The following MAST3 variants were observed in gnomAD, a reference collection of about 807,000 sequenced individuals.
MAST3 encodes microtubule-associated serine/threonine-protein kinase 3.
Under a neutral mutation model 127.0 loss-of-function variants are expected in MAST3, and 43 were observed. The observed-to-expected ratio is 0.34, with a 90% CI of 0.27 to 0.44. MAST3 has a LOEUF of 0.44. MAST3 is among the 20% of genes least tolerant of loss of function. MAST3 has a pLI of 1.00. For missense variants in MAST3, 1,390 were observed against 1,919.1 expected (o/e 0.72, Z 5.15); for synonymous variants, 785 against 809.2 (o/e 0.97, Z 0.51).
At position 18,130,690 on chromosome 19, in the gene MAST3, G is replaced by A; in HGVS notation, c.1420G>A (p.Glu474Lys). ...CCGGCGCCACCTATGTATGGTCATG[G>A]AATACGTGGAAGGTACGCTCACTGG... ...ETRRHLCMVM[E>K]YVEGGDCATL... Residue 474 changes from glutamate (E) to lysine (K), a missense_variant, in exon 14 of 28, where the codon GAA becomes AAA. Transcript: ENST00000687212. The A allele has an allele frequency of 6.2e-7, 1 of 1,613,780 alleles. No homozygotes were observed. The highest frequency in any genetic ancestry group is 8.5e-7 in the Non-Finnish European group (1 of 1,179,834).
intron 14 of MAST3, 71 bp from the exon 15 acceptor site, chr19:18,131,838 G>A (rs1340031210): frequency 2.0e-6 from 3 of 1,500,996 alleles, no homozygotes; most frequent in Non-Finnish European, 1.8e-6. Flanking sequence ...ATAGGCATTG[G>A]GCATAACCTA....
intron 3 of MAST3, among the ~76,000 whole-genome samples, chr19:18,116,913 C>CAA (rs1029551853): frequency 2.6e-5 from 2 of 76,234 alleles, no homozygotes; most frequent in Admixed American, 1.4e-4. Flanking sequence ...AACTCTGTCT[C>CAA]AAAAAAAAAA....
chr19:18,120,628 C>T (rs1471937493), intron 3 of MAST3, among the ~76,000 whole-genome samples: 1 of 152,230 alleles, frequency 6.6e-6, no homozygotes, highest in African/African-American at 2.4e-5. Flanking sequence ...CCTCCGCCTC[C>T]TGGGTTCAAG....
chr19:18,119,250 C>A (rs900296556), intron 3 of MAST3, among the ~76,000 whole-genome samples: 1 of 152,062 alleles, frequency 6.6e-6, no homozygotes, highest in South Asian at 2.1e-4. Context: ...GGGAGGGCAA[C>A]GAAGTGTTTT....
chr19:18,130,867 T>TG (rs1370818101), intron 14 of MAST3, among the ~76,000 whole-genome samples, 165 bp downstream of exon 14: 1 of 151,958 alleles, frequency 6.6e-6, no homozygotes, highest in Non-Finnish European at 1.5e-5. Flanking sequence ...AGCCCAGCCA[T>TG]GGGGGTTTAG....
intron 3 of MAST3, chr19:18,118,308 T>G: frequency 1.1e-6 from 1 of 948,192 alleles, no homozygotes; most frequent in Non-Finnish European, 1.3e-6. Flanking sequence ...AAACAGGAGT[T>G]GCCAGAAGTG....
intron 7 of MAST3, 90 bp downstream of exon 7, chr19:18,123,464 C>A (rs993539807): frequency 2.8e-5 from 42 of 1,488,258 alleles, no homozygotes; most frequent in Non-Finnish European, 3.7e-5. Context: ...CCAGCCCTGA[C>A]CCTGCCTGAG....
rs746427413 is a variant in MAST3 at position 18,128,405 on chromosome 19, G to A, written c.1084G>A (p.Val362Met). Residue 362 changes from valine (V) to methionine (M), a missense_variant, in exon 12 of 28, where the codon GTG becomes ATG. This residue lies in a region of MAST3 where 277 missense variants were observed against 384.8 expected (regional missense o/e 0.72). Transcript: ENST00000687212. ...GLAKDPLEEM[V>M]PLSHLEEEQP... ...CCTCCTCCCTCATCTTGCAGAGATGGTGCCACTGAGTCACCTCGAAGAAGA... is the reference window on the plus strand; with the variant it reads ...CCTCCTCCCTCATCTTGCAGAGATGATGCCACTGAGTCACCTCGAAGAAGA... The A allele has an allele frequency of 2.6e-6, 4 of 1,551,572 alleles. No homozygotes were observed. The highest frequency in any genetic ancestry group is 1.2e-5 in the South Asian group (1 of 84,190).
At chr19:18,100,942 C>T (rs1165102607) in intron 1 of MAST3, among the ~76,000 whole-genome samples, 1 of 152,136 alleles carries the variant, frequency 6.6e-6, no homozygotes, top group Non-Finnish European at 1.5e-5. Flanking sequence ...CAATGTGAGG[C>T]GTGCTGTTGG....
chr19:18,139,866 C>A (rs2042267082), intron 20 of MAST3, among the ~76,000 whole-genome samples: 1 of 143,876 alleles, frequency 7.0e-6, no homozygotes, highest in Admixed American at 7.0e-5. Context: ...TTTGCCCAGG[C>A]TGGAGTGCAG....
chr19:18,137,257 A>C lies in MAST3; in HGVS notation c.1991A>C (p.Lys664Thr), dbSNP rs1223555865. Residue 664 changes from lysine to threonine, a missense_variant, in exon 19 of 28, where the codon AAG becomes ACG. Physicochemically the swap from Lys to Thr is moderately conservative, Grantham distance 78 (BLOSUM62 -1). This residue lies in a region of MAST3 where 191 missense variants were observed against 409.0 expected (regional missense o/e 0.47). Transcript: ENST00000687212. ...RLGTGGTHEV[K>T]QHPFFLALDW... Reference sequence around the variant, plus strand: ...TCTGCAGGTGGCACCCACGAAGTGAAGCAGCACCCCTTTTTCCTGGCCCTG... The same window carrying C: ...TCTGCAGGTGGCACCCACGAAGTGACGCAGCACCCCTTTTTCCTGGCCCTG... 6.2e-7 allele frequency: 1 copy of C among 1,613,732 alleles called. No individual in the cohort carries two copies. The highest frequency in any genetic ancestry group is 1.7e-5 in the Admixed American group (1 of 59,980).
intron 17 of MAST3, among the ~76,000 whole-genome samples, 181 bp downstream of exon 17, chr19:18,135,163 T>G (rs2041761951): frequency 6.6e-6 from 1 of 151,994 alleles, no homozygotes; most frequent in African/African-American, 2.4e-5. Flanking sequence ...TCACAGAGGC[T>G]TCACTGAAGT....
intron 20 of MAST3, among the ~76,000 whole-genome samples, chr19:18,140,717 T>A (rs1305375442): frequency 2.0e-5 from 3 of 152,178 alleles, no homozygotes; most frequent in South Asian, 2.1e-4. Context: ...ATGGAACACA[T>A]TGTTTATCCA....
At chr19:18,136,980 C>A (rs1393238513) in intron 18 of MAST3, among the ~76,000 whole-genome samples, 1 of 152,126 alleles carries the variant, frequency 6.6e-6, no homozygotes, top group East Asian at 1.9e-4. Context: ...AGCCACCACA[C>A]CCGGCTAATT....
Position 18,123,964 on chromosome 19 carries a change from T to C in MAST3, c.659T>C (p.Leu220Pro). 1 of 1,576,110 alleles carries C rather than the reference T, an allele frequency of 6.3e-7. No individual in the cohort carries two copies. The highest frequency in any genetic ancestry group is 8.6e-7 in the Non-Finnish European group (1 of 1,164,660). Residue 220 changes from leucine to proline, a missense_variant, in exon 9 of 28, where the codon CTG becomes CCG. Leu to Pro is a moderately conservative substitution (Grantham distance 98). Around this residue, in one of 5 missense-constraint regions of MAST3, gnomAD observed 277 missense variants for 384.8 expected, o/e 0.72. Transcript: ENST00000687212. ...GCCACAGCACAGATGGAGGGCCGTC[T>C]GCAGGAGTTCCTGACGGCCTACGCG... ...PKATAQMEGR[L>P]QEFLTAYAPG...
rs2042900833 is a variant in MAST3 at position 18,145,173 on chromosome 19, G to A, written c.2983G>A (p.Ala995Thr). 1 of 1,613,864 alleles carries A rather than the reference G, an allele frequency of 6.2e-7. No individual in the cohort carries two copies. Among genetic ancestry groups the A allele is most frequent in the South Asian group, 1.1e-5 (1 of 91,088 alleles). Residue 995 changes from alanine to threonine, a missense_variant, in exon 24 of 28, where the codon GCG (alanine) becomes ACG (threonine). Coordinates refer to ENST00000687212, the MANE Select transcript of MAST3 (RefSeq NM_001393504.1). The surrounding 1 kb of genome is among the most constrained non-coding windows in gnomAD (Gnocchi z 5.9). ...SGKKYGFSLR[A>T]IRVYMGDSDV... ...CAAGAAGTACGGCTTCAGCCTGCGG[G>A]CGATCCGCGTCTACATGGGTGATAG...
chr19:18,139,478 T>C (rs1332231155), intron 20 of MAST3, among the ~76,000 whole-genome samples: 1 of 151,818 alleles, frequency 6.6e-6, no homozygotes, highest in African/African-American at 2.4e-5. Flanking sequence ...GCGCATGCCG[T>C]CACGCCCAGC....
Position 18,123,902 on chromosome 19 carries a change from G to A in MAST3, c.634-37G>A, listed in dbSNP as rs374782434. On this transcript the variant is annotated intron_variant, in intron 8 of 27. Transcript: ENST00000687212. Reference sequence around the variant, plus strand: ...ATTCTGCGTGTGTCACTCCAGCCCCGCCCTCTGACCAGGTCGCCCCGTCTC... The same window carrying A: ...ATTCTGCGTGTGTCACTCCAGCCCCACCCTCTGACCAGGTCGCCCCGTCTC... 4.9e-4 allele frequency: 749 copies of A among 1,515,988 alleles called. 3 individuals carry two copies. Among genetic ancestry groups the A allele is most frequent in the Non-Finnish European group, 6.4e-4 (720 of 1,130,988 alleles). The allele number at this position is 1,515,988 out of a possible 1,614,324, so 93.9% of individuals were successfully genotyped here.
intron 15 of MAST3, among the ~76,000 whole-genome samples, chr19:18,132,563 C>T (rs567223416): frequency 2.0e-5 from 3 of 152,152 alleles, no homozygotes; most frequent in Non-Finnish European, 4.4e-5. Context: ...TACTGAGAGC[C>T]TTAGGATGTT....
Sources: allele counts gnomAD v4.1 joint callset (sites outside exome capture counted in the v4.1 genomes callset), GRCh38; gene constraint gnomAD v4.1.1; regional missense constraint gnomAD v4.1.1; non-coding constraint Gnocchi (gnomAD v3.1); transcripts MANE v1.5; gene names NCBI Gene and HGNC (gene_info 2026-07-23, HGNC 2026-07-21).